CDK5RAP2: variants seen among roughly 807,000 people sequenced by gnomAD.
CDK5RAP2 encodes CDK5 regulatory subunit associated protein 2.
Under a neutral mutation model 232.9 loss-of-function variants are expected in CDK5RAP2, and 147 were observed. The observed-to-expected ratio is 0.63, with a 90% confidence interval of 0.55 to 0.72. CDK5RAP2 has a LOEUF of 0.72. Among genes scored for constraint, CDK5RAP2 ranks in the 30% least tolerant of loss-of-function variants. The pLI is 0.00. For missense variants in CDK5RAP2, 2,195 were observed against 2,231.5 expected (o/e 0.98, Z 0.33); for synonymous variants, 833 against 833.7 (o/e 1.00, Z 0.01).
intron 21 of CDK5RAP2, among the ~76,000 whole-genome samples, chr9:120,451,701 C>CA (rs2036487798): frequency 6.6e-6 from 1 of 152,020 alleles, no homozygotes; most frequent in Admixed American, 6.6e-5. Flanking sequence ...CATTTAAAAC[C>CA]AGACTTTAGT....
intron 3 of CDK5RAP2, among the ~76,000 whole-genome samples, chr9:120,556,209 ATC>A (rs2042222420): frequency 6.6e-6 from 1 of 152,214 alleles, no homozygotes; most frequent in Non-Finnish European, 1.5e-5. Context: ...GGGAATATAC[ATC>A]TGTCAGAGTT....
intron 21 of CDK5RAP2, among the ~76,000 whole-genome samples, chr9:120,449,240 G>A (rs944516967): frequency 1.9e-4 from 29 of 152,146 alleles, no homozygotes; most frequent in Admixed American, 1.8e-3. Flanking sequence ...CTACTTCCCC[G>A]ACTAACTCTA....
At chr9:120,496,690 G>A (rs1160353016) in intron 12 of CDK5RAP2, among the ~76,000 whole-genome samples, 2 of 130,790 alleles carry the variant, frequency 1.5e-5, no homozygotes, top group African/African-American at 3.3e-5. Flanking sequence ...GGGAGGTGGG[G>A]GGGTCAGCCC....
At chr9:120,458,946 G>C (rs908179724) in intron 19 of CDK5RAP2, among the ~76,000 whole-genome samples, 5 of 152,196 alleles carry the variant, frequency 3.3e-5, no homozygotes, top group African/African-American at 1.2e-4. Flanking sequence ...AGAATGAAAT[G>C]AGACCACCTC....
rs138510304 is a variant in CDK5RAP2, at chr9:120,407,242, G to A, written c.4733C>T (p.Ser1578Leu). 182 of 1,610,912 alleles carry A rather than the reference G, an allele frequency of 1.1e-4. No individual in the cohort carries two copies. In the African/African-American group the frequency reaches 2.0e-3, roughly 17 times the overall value. Residue 1578 changes from serine (S) to leucine (L), a missense_variant, in exon 32 of 38, where the codon TCG (serine) becomes TTG (leucine). By Grantham distance (145) the Ser-to-Leu change is moderately radical. Transcript: ENST00000349780. Reference protein sequence around the residue: ...DEEHRRLREASGEGWKGQDPF... With the variant: ...DEEHRRLREALGEGWKGQDPF... ...ATCCTGCCCCTTCCAGCCTTCTCCCGACGCCTCTGAGGACATGTGCAAAGA... is the reference window on the plus strand; with the variant it reads ...ATCCTGCCCCTTCCAGCCTTCTCCCAACGCCTCTGAGGACATGTGCAAAGA...
Position 120,580,015 on chromosome 9 carries a change from G to A in CDK5RAP2, c.-37C>T, listed in dbSNP as rs769097819. The A allele has an allele frequency of 4.8e-6, 7 of 1,458,786 alleles. No homozygotes were observed. The South Asian group carries it at 6.9e-5, about 14-fold the overall frequency. The allele number at this position is 1,458,786 out of a possible 1,614,324, so 90.4% of individuals were successfully genotyped here. ...TGGCGACAGCGTTGGTGTCTGTGGCGGCGGCGCCACTAGTACCCCCCGCGA... is the reference window on the plus strand; with the variant it reads ...TGGCGACAGCGTTGGTGTCTGTGGCAGCGGCGCCACTAGTACCCCCCGCGA... On this transcript the variant is annotated 5_prime_UTR_variant, in exon 1 of 38. Transcript: ENST00000349780.
At chr9:120,463,521 A>C (rs2037205284) in intron 18 of CDK5RAP2, among the ~76,000 whole-genome samples, 1 of 152,200 alleles carries the variant, frequency 6.6e-6, no homozygotes, top group Admixed American at 6.5e-5. Context: ...AGGTCCCCAA[A>C]GACCTTGTTG....
intron 12 of CDK5RAP2, among the ~76,000 whole-genome samples, chr9:120,500,039 A>G (rs2039502895): frequency 6.6e-6 from 1 of 152,228 alleles, no homozygotes; most frequent in Non-Finnish European, 1.5e-5. Context: ...TAAAGTACAG[A>G]GATGAGAATG....
chr9:120,465,939 A>G (rs1354460086), intron 18 of CDK5RAP2, among the ~76,000 whole-genome samples: 1 of 152,228 alleles, frequency 6.6e-6, no homozygotes, highest in East Asian at 1.9e-4. Flanking sequence ...GTTCATACAC[A>G]CAAATACAGA....
chr9:120,407,485 G>A (rs2033538454), intron 31 of CDK5RAP2: 2 of 560,632 alleles, frequency 3.6e-6, no homozygotes, highest in Non-Finnish European at 6.4e-6. Flanking sequence ...GGCCATAAAA[G>A]CCTAGCAAAT....
At position 120,545,848 on chromosome 9, in the gene CDK5RAP2, T is replaced by C. The variant is rs2132026496; in HGVS notation, c.307-58A>G. ...ATGTAAAATAGAGGACCTATGAATG[T>C]CAACAATGGGGAAACTGCTTCCAGC... On this transcript the variant is annotated intron_variant, in intron 4 of 37. Coordinates refer to ENST00000349780, the MANE Select transcript of CDK5RAP2 (RefSeq NM_018249.6). 7 of 1,346,312 alleles carry C rather than the reference T, an allele frequency of 5.2e-6. No homozygotes were observed. The South Asian group carries it at 8.2e-5, about 16-fold the overall frequency. 83.4% of individuals were successfully genotyped at this position (1,346,312 alleles called of 1,614,324 possible).
At chr9:120,571,564 C>T (rs766086042) in intron 2 of CDK5RAP2, among the ~76,000 whole-genome samples, 3 of 152,226 alleles carry the variant, frequency 2.0e-5, no homozygotes, top group Non-Finnish European at 2.9e-5. Flanking sequence ...TGTAGGAATG[C>T]GGGGCCTCAG....
At chr9:120,518,208 TGTGAGAGAGAGA>T (rs1408539606) in intron 12 of CDK5RAP2, among the ~76,000 whole-genome samples, 14 of 111,390 alleles carry the variant, frequency 1.3e-4, no homozygotes, top group East Asian at 5.3e-4. Flanking sequence ...TGTGTGTGTG[TGTGAGAGAGAGA>T]GAGAGAGAGA....
At chr9:120,515,010 G>C (rs1465869755) in intron 12 of CDK5RAP2, among the ~76,000 whole-genome samples, 3 of 151,940 alleles carry the variant, frequency 2.0e-5, no homozygotes, top group Non-Finnish European at 2.9e-5. Context: ...TGATTACAAA[G>C]ACTAAGTTAT....
In CDK5RAP2 at chr9:120,546,760, A is replaced by T. The variant is rs147250063; in HGVS notation, c.307-970T>A. Reference sequence around the variant, plus strand: ...GGGATCCTCCCACCTCAACCTCCTGAGTATCTGGGACTATAGGCGTGCACT... The same window carrying T: ...GGGATCCTCCCACCTCAACCTCCTGTGTATCTGGGACTATAGGCGTGCACT... On this transcript the variant is annotated intron_variant, in intron 4 of 37. Coordinates refer to ENST00000349780, the MANE Select transcript of CDK5RAP2 (RefSeq NM_018249.6). Among the ~76,000 whole-genome samples, 543 of 151,754 alleles carry T rather than the reference A, an allele frequency of 3.6e-3. 7 individuals carry two copies. The highest frequency in any genetic ancestry group is 0.012 in the African/African-American group (511 of 41,358).
At position 120,396,193 on chromosome 9, in the gene CDK5RAP2, A is replaced by G. The variant is rs143855950; in HGVS notation, c.5452-1555T>C. On this transcript the variant is annotated intron_variant, in intron 35 of 37. Transcript: ENST00000349780. ...AAGATTAACCAGTCATGTCAGGTAC[A>G]AGGACTTTGACAGTTCTTCCCAAAC... Among the ~76,000 whole-genome samples, 1,119 of 152,354 alleles carry G rather than the reference A, an allele frequency of 7.3e-3. 10 individuals carry two copies. Among genetic ancestry groups the G allele is most frequent in the South Asian group, 0.025 (123 of 4,826 alleles).
intron 4 of CDK5RAP2, 52 bp from the exon 5 acceptor site, chr9:120,545,842 T>A: frequency 7.0e-7 from 1 of 1,419,550 alleles, no homozygotes; most frequent in East Asian, 2.3e-5. Context: ...AGAGGACCTA[T>A]GAATGTCAAC....
At chr9:120,406,746 A>G in intron 32 of CDK5RAP2, 4 of 538,656 alleles carry the variant, frequency 7.4e-6, no homozygotes, top group Non-Finnish European at 1.3e-5. Context: ...GATAGGAGGG[A>G]GCAAGGCCAG....
Position 120,409,198 on chromosome 9 carries a change from T to G in CDK5RAP2, c.4533A>C (p.Glu1511Asp). 6.2e-7 allele frequency: 1 copy of G among 1,614,050 alleles called. No individual in the cohort carries two copies. The highest frequency in any genetic ancestry group is 8.5e-7 in the Non-Finnish European group (1 of 1,180,024). The change falls in exon 30 of 38, where the codon GAA (glutamate) becomes GAC (aspartate). Residue 1511 changes from glutamate (E) to aspartate (D), a missense_variant. Transcript: ENST00000349780. ...GGTTGTGTCTCTCCTTCTCGCTGCC[T>G]TCTTTCTGCAGCCTTTCATTTTCTT... is the stretch of plus-strand genomic sequence containing the variant. ...VKEENERLQKEGSEKERHNQQ... is the reference protein window; with the variant it reads ...VKEENERLQKDGSEKERHNQQ...
Sources: gnomAD v4.1 joint callset for allele counts (sites outside exome capture counted in the v4.1 genomes callset) on GRCh38, gnomAD v4.1.1 for gene constraint, MANE v1.5 for transcripts, NCBI Gene and HGNC (gene_info 2026-07-23, HGNC 2026-07-21) for gene names.